DEPDC5: variants seen among roughly 807,000 people sequenced by gnomAD.
DEPDC5 encodes the protein DEP domain containing 5, GATOR1 subcomplex subunit.
Under a neutral mutation model 217.3 loss-of-function variants are expected in DEPDC5, and 73 were observed. That is an observed-to-expected ratio of 0.34 (90% CI 0.28 to 0.41). DEPDC5 has a LOEUF of 0.41. Among genes scored for constraint, DEPDC5 ranks in the 10% least tolerant of loss-of-function variants. The pLI is 1.00. For synonymous variants in DEPDC5, 733 were observed against 756.7 expected, an observed-to-expected ratio of 0.97 and a Z score of 0.51; for missense variants, 1,675 against 2,070.1, an observed-to-expected ratio of 0.81 and a Z score of 3.70.
At chr22:31,803,377 A>T (rs2087102260) in intron 15 of DEPDC5, among the ~76,000 whole-genome samples, 1 of 151,576 alleles carries the variant, frequency 6.6e-6, no homozygotes. Flanking sequence ...TGCCCGGCTA[A>T]TTTTTTTTGT....
Position 31,837,390 on chromosome 22 carries a change from G to A in DEPDC5, c.2354+235G>A, listed in dbSNP as rs570134875. 1.2e-4 allele frequency: 65 copies of A among 552,264 alleles called. No homozygotes were observed. In the South Asian group the frequency reaches 1.4e-3, roughly 12 times the overall value. The allele number at this position is 552,264 out of a possible 1,614,324, so 34.2% of individuals were successfully genotyped here. On this transcript the variant is annotated intron_variant, in intron 26 of 42. Coordinates refer to ENST00000651528, the MANE Select transcript of DEPDC5 (RefSeq NM_001242896.3). ...AACTGAGAGAGGGTCTCACTCTGTC[G>A]CTCGGGTTGGAGTACAGTGGTATGA...
intron 30 of DEPDC5, among the ~76,000 whole-genome samples, chr22:31,846,188 A>G (rs113565118): frequency 0.037 from 5,550 of 152,020 alleles, 158 homozygotes; most frequent in African/African-American, 0.08. Flanking sequence ...TTATCACTGT[A>G]CTTTTGTCTT....
chr22:31,760,142 A>G (rs1026892069), intron 3 of DEPDC5, among the ~76,000 whole-genome samples: 6 of 150,440 alleles, frequency 4.0e-5, no homozygotes, highest in Non-Finnish European at 7.4e-5. Flanking sequence ...ATCTTGGCTC[A>G]CTGCAAGCTC....
chr22:31,868,583 C>T (rs1419045442), intron 33 of DEPDC5, among the ~76,000 whole-genome samples: 1 of 152,120 alleles, frequency 6.6e-6, no homozygotes, highest in Non-Finnish European at 1.5e-5. Flanking sequence ...TGTGCCACCA[C>T]GCCTGGCTAA....
intron 24 of DEPDC5, among the ~76,000 whole-genome samples, chr22:31,833,220 T>C (rs937258735): frequency 6.6e-6 from 1 of 152,228 alleles, no homozygotes; most frequent in Non-Finnish European, 1.5e-5. Flanking sequence ...CTGATAAATA[T>C]ATGTTTTGAA....
chr22:31,902,235 C>A (rs1402102184), intron 41 of DEPDC5, among the ~76,000 whole-genome samples: 1 of 151,894 alleles, frequency 6.6e-6, no homozygotes, highest in Admixed American at 6.6e-5. Context: ...GAAAGCCTGT[C>A]CTAGACTTCA....
chr22:31,792,381 G>A (rs1291565491), intron 11 of DEPDC5, among the ~76,000 whole-genome samples: 2 of 151,884 alleles, frequency 1.3e-5, no homozygotes, highest in African/African-American at 2.4e-5. Flanking sequence ...TGAGGTGGGC[G>A]GATCACCTGA....
rs890278995 is a variant in DEPDC5 at position 31,846,687 on chromosome 22, A to G, written c.3022-147A>G. ...TTTGAATGAAAGGCGGTTTTCTGTCACTTACTGAACACTGAGAACCTGTGT... is the reference window on the plus strand; with the variant it reads ...TTTGAATGAAAGGCGGTTTTCTGTCGCTTACTGAACACTGAGAACCTGTGT... On this transcript the variant is annotated intron_variant, in intron 30 of 42. Coordinates refer to ENST00000651528, the MANE Select transcript of DEPDC5 (RefSeq NM_001242896.3). The G allele has an allele frequency of 4.4e-6, 5 of 1,126,638 alleles. No homozygotes were observed. In the African/African-American group the frequency reaches 4.7e-5, roughly 11 times the overall value. 69.8% of individuals were successfully genotyped at this position (1,126,638 alleles called of 1,614,324 possible).
At chr22:31,901,689 G>A (rs2093651355) in intron 40 of DEPDC5, 53 bp from the exon 41 acceptor site, 2 of 1,507,400 alleles carry the variant, frequency 1.3e-6, no homozygotes, top group Admixed American at 1.9e-5. Context: ...GGCCCAGAGA[G>A]AATTACAAAC....
At chr22:31,786,878 G>C (rs1246761351) in intron 10 of DEPDC5, among the ~76,000 whole-genome samples, 1 of 151,948 alleles carries the variant, frequency 6.6e-6, no homozygotes. Context: ...TTCTCCACCT[G>C]TTCAGTTCTC....
At chr22:31,760,634 C>A (rs369249165) in intron 3 of DEPDC5, 22 bp from the exon 4 acceptor site, 2 of 1,610,014 alleles carry the variant, frequency 1.2e-6, no homozygotes, top group South Asian at 2.2e-5. Context: ...TATCCCAACT[C>A]TCTTGTTGCT....
intron 32 of DEPDC5, chr22:31,859,160 G>A (rs1399435407): frequency 4.7e-5 from 6 of 128,450 alleles, no homozygotes; most frequent in Admixed American, 2.0e-4. Flanking sequence ...GCGCGATCTC[G>A]GCTCACTGCA....
intron 31 of DEPDC5, among the ~76,000 whole-genome samples, chr22:31,851,916 C>T (rs902406142): frequency 3.9e-5 from 6 of 152,230 alleles, no homozygotes; most frequent in African/African-American, 7.2e-5. Context: ...ACAGGCCAGG[C>T]GTGGTGGCTC....
intron 38 of DEPDC5, among the ~76,000 whole-genome samples, chr22:31,884,611 A>C (rs1295920509): frequency 6.6e-6 from 1 of 152,188 alleles, no homozygotes; most frequent in Non-Finnish European, 1.5e-5. Flanking sequence ...TTAATATTAT[A>C]GCATTCGGGT....
Position 31,804,212 on chromosome 22 carries a change from C to T in DEPDC5, c.1132C>T (p.Pro378Ser). Residue 378 changes from proline to serine, a missense_variant, in exon 16 of 43, where the codon CCA (proline) becomes TCA (serine). Around this residue, in one of 11 missense-constraint regions of DEPDC5, gnomAD observed 628 missense variants for 762.1 expected, o/e 0.82. Coordinates refer to ENST00000651528, the MANE Select transcript of DEPDC5 (RefSeq NM_001242896.3). ...CMGEQPLHAV[P>S]LFKLHNRSAP... is the part of the protein sequence containing the mutation. The stretch of plus-strand genomic sequence containing the variant: ...GGGAGAGCAACCGTTACATGCTGTC[C>T]CATTGTTCAAGGTAATTAGATTTCG... 6.2e-7 allele frequency: 1 copy of T among 1,613,976 alleles called. No homozygotes were observed. Among genetic ancestry groups the T allele is most frequent in the Non-Finnish European group, 8.5e-7 (1 of 1,179,980 alleles).
rs553247768 is a variant in DEPDC5, at chr22:31,833,526, C to T, written c.2105-389C>T. ...GATAAGGTCTCTCTCACTCTGTCGTCGCCCAGGTTGGAGTGCAGTGGCACG... is the reference window on the plus strand; with the variant it reads ...GATAAGGTCTCTCTCACTCTGTCGTTGCCCAGGTTGGAGTGCAGTGGCACG... On this transcript the variant is annotated intron_variant, in intron 24 of 42. Coordinates refer to ENST00000651528, the MANE Select transcript of DEPDC5 (RefSeq NM_001242896.3). Among the ~76,000 whole-genome samples, 4 of 152,186 alleles carry T rather than the reference C, an allele frequency of 2.6e-5. No homozygotes were observed. The East Asian group carries it at 5.8e-4, about 22-fold the overall frequency.
At chr22:31,874,206 T>C in intron 35 of DEPDC5, 67 bp from the exon 36 acceptor site, 2 of 1,557,476 alleles carry the variant, frequency 1.3e-6, no homozygotes, top group African/African-American at 1.4e-5. Flanking sequence ...CTTTTTCATC[T>C]TTCCTTCCAC....
chr22:31,782,814 T>A (rs988605813), intron 8 of DEPDC5, among the ~76,000 whole-genome samples: 2 of 152,212 alleles, frequency 1.3e-5, no homozygotes, highest in Non-Finnish European at 2.9e-5. Flanking sequence ...TACTGTAAGC[T>A]CCTGGAGGGC....
At chr22:31,765,548 C>T (rs2082738438) in intron 5 of DEPDC5, among the ~76,000 whole-genome samples, 1 of 152,140 alleles carries the variant, frequency 6.6e-6, no homozygotes, top group Admixed American at 6.6e-5. Context: ...CTTGGCCTCC[C>T]AGAGTGCTGG....
Sources: gnomAD v4.1 joint callset for allele counts (sites outside exome capture counted in the v4.1 genomes callset) on GRCh38, gnomAD v4.1.1 for gene constraint, gnomAD v4.1.1 regional missense constraint, MANE v1.5 for transcripts, NCBI Gene and HGNC (gene_info 2026-07-23, HGNC 2026-07-21) for gene names.